Variants in PTK2 observed in about 807,000 individuals in gnomAD.
PTK2 encodes focal adhesion kinase 1.
Under a neutral mutation model 150.1 loss-of-function variants are expected in PTK2, and 45 were observed. That is an observed-to-expected ratio of 0.30 (90% CI 0.24 to 0.38). The LOEUF (loss-of-function observed/expected upper bound fraction) is 0.38. Among genes scored for constraint, PTK2 ranks in the 10% least tolerant of loss-of-function variants. PTK2 has a pLI of 1.00. For synonymous variants in PTK2, 432 were observed against 449.2 expected (o/e 0.96, Z 0.48); for missense variants, 919 against 1,307.3 (o/e 0.70, Z 4.58).
chr8:140,669,895 C>T, intron 29 of PTK2, 160 bp from the exon 33 acceptor site: 1 of 789,292 alleles, frequency 1.3e-6, no homozygotes, highest in Non-Finnish European at 2.0e-6. Context: ...AGCTCTCACT[C>T]ACTGTTGCCA....
At chr8:140,823,780 T>C (rs1490215550) in intron 8 of PTK2, among the ~76,000 whole-genome samples, 1 of 152,214 alleles carries the variant, frequency 6.6e-6, no homozygotes, top group African/African-American at 2.4e-5. Flanking sequence ...TATTGTCTCT[T>C]GACTAGTAGC....
intron 26 of PTK2, among the ~76,000 whole-genome samples, chr8:140,688,185 AAG>A (rs2100021107): frequency 6.6e-6 from 1 of 152,150 alleles, no homozygotes; most frequent in South Asian, 2.1e-4. Context: ...ACAGTAAGCA[AAG>A]AGGGCAAAAG....
At chr8:140,865,366 G>A (rs1366191378) in intron 4 of PTK2, among the ~76,000 whole-genome samples, 1 of 152,110 alleles carries the variant, frequency 6.6e-6, no homozygotes, top group Admixed American at 6.5e-5. Context: ...CCCTGGCCAT[G>A]TTCAAGTTTT....
At chr8:140,667,714 T>C (rs1450036504) in intron 30 of PTK2, among the ~76,000 whole-genome samples, 1 of 152,220 alleles carries the variant, frequency 6.6e-6, no homozygotes, top group Non-Finnish European at 1.5e-5. Flanking sequence ...ATTTTTACTC[T>C]TTTTAAAAGA....
intron 14 of PTK2, among the ~76,000 whole-genome samples, chr8:140,787,263 C>T (rs1450455506): frequency 6.6e-6 from 1 of 152,058 alleles, no homozygotes; most frequent in Non-Finnish European, 1.5e-5. Context: ...ATAATGACTC[C>T]AGATTTTAGC....
At chr8:140,941,639 T>TG (rs562714575) in intron 1 of PTK2, among the ~76,000 whole-genome samples, 177 of 152,124 alleles carry the variant, frequency 1.2e-3, no homozygotes, top group African/African-American at 4.1e-3. Flanking sequence ...AAGAGTTTAT[T>TG]GGGAAAAAAA....
At chr8:140,673,836 G>A (rs1347044381) in intron 29 of PTK2, among the ~76,000 whole-genome samples, 2 of 152,124 alleles carry the variant, frequency 1.3e-5, no homozygotes, top group African/African-American at 2.4e-5. Flanking sequence ...GCTCTACTCA[G>A]CATACATTGC....
intron 5 of PTK2, among the ~76,000 whole-genome samples, chr8:140,857,111 T>C (rs1310224367): frequency 7.2e-5 from 11 of 152,154 alleles, no homozygotes; most frequent in Non-Finnish European, 1.5e-5. Context: ...TTGATCAGAG[T>C]GATCACACTC....
intron 14 of PTK2, among the ~76,000 whole-genome samples, chr8:140,783,115 C>T (rs1001045246): frequency 6.6e-6 from 1 of 152,068 alleles, no homozygotes; most frequent in East Asian, 1.9e-4. Context: ...GTGGCGCACA[C>T]CTGTAGTCCC....
At chr8:140,810,151 C>G (rs2100100573) in intron 10 of PTK2, among the ~76,000 whole-genome samples, 1 of 152,192 alleles carries the variant, frequency 6.6e-6, no homozygotes, top group Admixed American at 6.5e-5. Flanking sequence ...TAAATCCGAG[C>G]AGGGGGCCCC....
At chr8:140,716,839 G>A (rs2100039960) in intron 23 of PTK2, among the ~76,000 whole-genome samples, 1 of 152,104 alleles carries the variant, frequency 6.6e-6, no homozygotes, top group Non-Finnish European at 1.5e-5. Flanking sequence ...AACAGAACTG[G>A]AGTATTCATG....
intron 24 of PTK2, among the ~76,000 whole-genome samples, chr8:140,703,109 G>T (rs1482773939): frequency 2.0e-5 from 3 of 152,112 alleles, no homozygotes; most frequent in Non-Finnish European, 4.4e-5. Context: ...ACTTTGGGAG[G>T]CCGAGGCAGG....
In PTK2 at chr8:140,675,053, G is replaced by A. The variant is rs1413930180; in HGVS notation, c.2602+407C>T. Among the ~76,000 whole-genome samples, 40 of 138,256 alleles carry A rather than the reference G, an allele frequency of 2.9e-4. 1 individual carries two copies. The East Asian group carries it at 8.1e-3, about 28-fold the overall frequency. 90.7% of individuals were successfully genotyped at this position (138,256 alleles called of 152,430 possible). On this transcript the variant is annotated intron_variant, in intron 28 of 31. Coordinates refer to ENST00000522684, the Ensembl canonical transcript of PTK2. ...TACACTCCAGCCTGGGTGACAGAGT[G>A]AGACTCTGTATCCAAAAAAAAAAAA...
intron 1 of PTK2, among the ~76,000 whole-genome samples, chr8:140,960,616 G>A (rs1478868586): frequency 1.3e-5 from 2 of 152,172 alleles, no homozygotes; most frequent in Non-Finnish European, 2.9e-5. Flanking sequence ...CATACTGAAT[G>A]ACTTATCAGG....
intron 1 of PTK2, among the ~76,000 whole-genome samples, chr8:140,998,267 A>G (rs996030884): frequency 6.6e-6 from 1 of 152,216 alleles, no homozygotes; most frequent in African/African-American, 2.4e-5. Context: ...CTGAAACTTT[A>G]TAAACACTTT....
intron 2 of PTK2, chr8:140,909,074 C>G (rs1447363879): frequency 6.5e-6 from 1 of 153,466 alleles, no homozygotes; most frequent in African/African-American, 2.4e-5. Context: ...TGCCTGTAAT[C>G]CCAGCTACTT....
In PTK2 at chr8:140,856,350, C is replaced by T. The variant is rs144252075; in HGVS notation, c.450+7962G>A. Among the ~76,000 whole-genome samples, 18 of 148,754 alleles carry T rather than the reference C, an allele frequency of 1.2e-4. No individual in the cohort carries two copies. In the East Asian group the frequency reaches 1.6e-3, roughly 13 times the overall value. On this transcript the variant is annotated intron_variant, in intron 5 of 31. Transcript: ENST00000522684. The stretch of plus-strand genomic sequence containing the variant: ...ATGCTTGCCAAAGAATGTTCCCAGT[C>T]ATCTCAATAATAGTAAAAAACAAAA...
At chr8:140,822,473 C>T (rs2100109327) in intron 8 of PTK2, 1 of 152,064 alleles carries the variant, frequency 6.6e-6, no homozygotes, top group African/African-American at 2.4e-5. Context: ...AAGGGAGATA[C>T]TATTTTTCAT....
chr8:140,975,408 C>G (rs542970076), intron 1 of PTK2, among the ~76,000 whole-genome samples: 2 of 152,148 alleles, frequency 1.3e-5, no homozygotes, highest in African/African-American at 2.4e-5. Flanking sequence ...CCTATTTCTC[C>G]ACATGTGATA....
Sources: gnomAD v4.1 joint callset for allele counts (sites outside exome capture counted in the v4.1 genomes callset) on GRCh38, gnomAD v4.1.1 for gene constraint, MANE v1.5 for transcripts, NCBI Gene and HGNC (gene_info 2026-07-23, HGNC 2026-07-21) for gene names.